The following SLC31A1 variants were observed in gnomAD, a reference collection of about 807,000 sequenced individuals.
SLC31A1 encodes the protein high affinity copper uptake protein 1.
Under a neutral mutation model 17.2 loss-of-function variants are expected in SLC31A1, and 5 were observed. The observed-to-expected ratio is 0.29, with a 90% CI of 0.15 to 0.61. SLC31A1 has a LOEUF of 0.61. Among genes scored for constraint, SLC31A1 ranks in the 20% least tolerant of loss-of-function variants. The probability of loss-of-function intolerance (pLI) is 0.86; values close to 1 mark genes in which losing one functional copy is unlikely to be tolerated. For synonymous variants in SLC31A1, 76 were observed against 78.8 expected (o/e 0.96, Z 0.19); for missense variants, 161 against 241.4 (o/e 0.67, Z 2.21).
intron 1 of SLC31A1, among the ~76,000 whole-genome samples, chr9:113,224,683 C>T (rs1311358463): frequency 2.0e-5 from 3 of 152,182 alleles, no homozygotes; most frequent in African/African-American, 7.2e-5. Context: ...CCGCCTTGGC[C>T]TCCCAAAGTG....
rs1306516284 is a variant in SLC31A1, at chr9:113,232,183, T to C, written c.-36+10505T>C. Among the ~76,000 whole-genome samples, 30 of 152,222 alleles carry C rather than the reference T, an allele frequency of 2.0e-4. 1 individual carries two copies. Among genetic ancestry groups the C allele is most frequent in the Admixed American group, 1.9e-3 (29 of 15,280 alleles). On this transcript the variant is annotated intron_variant, in intron 1 of 4. Coordinates refer to ENST00000374212, the MANE Select transcript of SLC31A1 (RefSeq NM_001859.4). ...TACCACAGAATACATGGTTCTATGTTATAGCTTAGAATTGCTACTACTCTT... is the reference window on the plus strand; with the variant it reads ...TACCACAGAATACATGGTTCTATGTCATAGCTTAGAATTGCTACTACTCTT...
Position 113,263,305 on chromosome 9 carries a change from G to C in SLC31A1, c.*2832G>C, listed in dbSNP as rs368109125. 1.6e-4 allele frequency: 25 copies of C among 152,306 alleles called. 1 individual carries two copies. The East Asian group carries it at 3.5e-3, about 21-fold the overall frequency. 9.4% of individuals were successfully genotyped at this position (152,306 alleles called of 1,614,324 possible). A position where few individuals can be genotyped will look rare whatever the true frequency, so the allele number is the denominator to read the frequency against. Reference sequence around the variant, plus strand: ...CTGAATTTCAGAGATTCTTAGACTGGCTGCCAAAGGATGAAGCTAGTGAAG... The same window carrying C: ...CTGAATTTCAGAGATTCTTAGACTGCCTGCCAAAGGATGAAGCTAGTGAAG... On this transcript the variant is annotated 3_prime_UTR_variant, in exon 5 of 5. Coordinates refer to ENST00000374212, the MANE Select transcript of SLC31A1 (RefSeq NM_001859.4).
chr9:113,224,822 C>T (rs555731308), intron 1 of SLC31A1, among the ~76,000 whole-genome samples: 2 of 152,344 alleles, frequency 1.3e-5, no homozygotes, highest in East Asian at 1.9e-4. Context: ...TAGTTAAGTA[C>T]TTGAGCTCTG....
chr9:113,227,174 C>T (rs756294291), intron 1 of SLC31A1: 5 of 152,080 alleles, frequency 3.3e-5, no homozygotes, highest in Non-Finnish European at 7.4e-5. Context: ...GATGTAGAAC[C>T]TCTTTCAGTT....
chr9:113,224,574 A>G (rs1009185837), intron 1 of SLC31A1, among the ~76,000 whole-genome samples: 1 of 152,090 alleles, frequency 6.6e-6, no homozygotes, highest in Non-Finnish European at 1.5e-5. Flanking sequence ...GATTACAGGC[A>G]TGTGCCACCA....
Position 113,260,332 on chromosome 9 carries a change from C to G in SLC31A1, c.432C>G (p.Val144=). The G allele has an allele frequency of 6.2e-7, 1 of 1,614,142 alleles. No individual in the cohort carries two copies. Among genetic ancestry groups the G allele is most frequent in the African/African-American group, 1.3e-5 (1 of 75,032 alleles). The change falls in exon 5 of 5, where the codon GTC becomes GTG. Residue 144 remains valine (V), a synonymous_variant. Coordinates refer to ENST00000374212, the MANE Select transcript of SLC31A1 (RefSeq NM_001859.4). ...CAGTGCTGCACATCATCCAGGTGGT[C>G]ATAAGCTACTTCCTCATGCTCATCT... ...LQTVLHIIQV[V]ISYFLMLIFM...
chr9:113,248,462 C>CTTTTTTTTT (rs34154634), intron 1 of SLC31A1, among the ~76,000 whole-genome samples: 2 of 86,552 alleles, frequency 2.3e-5, no homozygotes, highest in African/African-American at 4.8e-5. Context: ...GAAAGCAGTC[C>CTTTTTTTTT]TTTTTTTTTT....
intron 1 of SLC31A1, among the ~76,000 whole-genome samples, chr9:113,237,332 T>C (rs1314922399): frequency 6.6e-6 from 1 of 152,216 alleles, no homozygotes; most frequent in African/African-American, 2.4e-5. Flanking sequence ...GGCAAGGATT[T>C]CATAGACTTG....
chr9:113,221,670 C>T lies in SLC31A1; in HGVS notation c.-44C>T, dbSNP rs148009913. ...GAGAGGTGCTAGTGGCTGGACTTGA[C>T]CTGGAAAGGTAAGGCTTCTCTCGGC... On this transcript the variant is annotated 5_prime_UTR_variant, in exon 1 of 5. Transcript: ENST00000374212. The T allele has an allele frequency of 4.4e-3, 1,380 of 315,924 alleles. 20 individuals are homozygous for T. The highest frequency in any genetic ancestry group is 0.028 in the African/African-American group (1,288 of 46,296). The allele number at this position is 315,924 out of a possible 1,614,324, so 19.6% of individuals were successfully genotyped here.
At chr9:113,229,715 G>A (rs1344281598) in intron 1 of SLC31A1, among the ~76,000 whole-genome samples, 1 of 152,158 alleles carries the variant, frequency 6.6e-6, no homozygotes, top group Admixed American at 6.5e-5. Flanking sequence ...GACTGTTCTA[G>A]TTTTGATCTT....
At chr9:113,236,039 G>C (rs146405552) in intron 1 of SLC31A1, among the ~76,000 whole-genome samples, 26 of 152,304 alleles carry the variant, frequency 1.7e-4, no homozygotes, top group African/African-American at 5.8e-4. Context: ...CCAGGCTAGC[G>C]TGCAGTGGCG....
chr9:113,223,007 G>A (rs931001424), intron 1 of SLC31A1, among the ~76,000 whole-genome samples: 3 of 152,006 alleles, frequency 2.0e-5, no homozygotes, highest in Admixed American at 6.6e-5. Context: ...TTGCAAAGCA[G>A]TCTCACTGCA....
intron 1 of SLC31A1, among the ~76,000 whole-genome samples, chr9:113,230,784 G>A (rs1160484702): frequency 6.6e-6 from 1 of 152,108 alleles, no homozygotes; most frequent in East Asian, 1.9e-4. Flanking sequence ...GTCTTTTGGG[G>A]AAGCTAGGGA....
intron 1 of SLC31A1, among the ~76,000 whole-genome samples, chr9:113,239,171 C>T (rs1206145599): frequency 1.3e-5 from 2 of 152,054 alleles, no homozygotes; most frequent in South Asian, 2.1e-4. Flanking sequence ...TACCTTCTGA[C>T]TCCAGACTTT....
rs1398206178 is a variant in SLC31A1, at chr9:113,258,771, C to T, written c.280C>T (p.Leu94=). 1.2e-6 allele frequency: 2 copies of T among 1,614,198 alleles called. No individual in the cohort carries two copies. Among genetic ancestry groups the T allele is most frequent in the Non-Finnish European group, 1.7e-6 (2 of 1,180,008 alleles). ...ACTCAAGATAGCCCGAGAGAGCCTG[C>T]TGCGTAAGTCACAAGTCAGCATTCG... ...EGLKIARESL[L]RKSQVSIRYN... Residue 94 remains leucine, a synonymous_variant, in exon 4 of 5, where the codon CTG becomes TTG. Coordinates refer to ENST00000374212, the MANE Select transcript of SLC31A1 (RefSeq NM_001859.4). The surrounding 1 kb of genome is among the most constrained non-coding windows in gnomAD (Gnocchi z 4.8).
chr9:113,238,041 TC>T (rs1460179057), intron 1 of SLC31A1, among the ~76,000 whole-genome samples: 2 of 152,196 alleles, frequency 1.3e-5, no homozygotes, highest in Non-Finnish European at 2.9e-5. Flanking sequence ...TGGTCTTTTC[TC>T]CCCTCTTTTT....
chr9:113,249,839 C>A (rs901793445), intron 1 of SLC31A1, among the ~76,000 whole-genome samples: 5 of 151,220 alleles, frequency 3.3e-5, no homozygotes, highest in Admixed American at 2.6e-4. Context: ...AGAAAAAAAA[C>A]AGACAACCCC....
At chr9:113,225,367 T>C (rs1043416091) in intron 1 of SLC31A1, among the ~76,000 whole-genome samples, 1 of 152,224 alleles carries the variant, frequency 6.6e-6, no homozygotes, top group East Asian at 1.9e-4. Context: ...CTTAGATTGG[T>C]AGGAAGTGGA....
At chr9:113,253,670 C>T (rs959686656) in intron 1 of SLC31A1, among the ~76,000 whole-genome samples, 1 of 150,966 alleles carries the variant, frequency 6.6e-6, no homozygotes, top group African/African-American at 2.4e-5. Flanking sequence ...TTCTCTGCCT[C>T]AGCCTCCCGA....
Sources: gnomAD v4.1 joint callset for allele counts (sites outside exome capture counted in the v4.1 genomes callset) on GRCh38, gnomAD v4.1.1 for gene constraint, Gnocchi (gnomAD v3.1) non-coding constraint, MANE v1.5 for transcripts, NCBI Gene and HGNC (gene_info 2026-07-23, HGNC 2026-07-21) for gene names.